SVOPL: variants seen among roughly 807,000 people sequenced by gnomAD.
SVOPL encodes putative transporter SVOPL.
In SVOPL, 60 loss-of-function variants were observed where a neutral mutation model predicts 61.0. The observed-to-expected ratio is 0.98, with a 90% confidence interval of 0.80 to 1.22. The LOEUF is 1.22. SVOPL is among the 50% of genes most tolerant of loss of function. The pLI is 0.00. For missense variants in SVOPL, 662 were observed against 643.9 expected (o/e 1.03, Z -0.30); for synonymous variants, 279 against 250.0 (o/e 1.12, Z -1.09).
At chr7:138,684,210 C>T (rs574841862) in intron 1 of SVOPL, among the ~76,000 whole-genome samples, 8 of 151,744 alleles carry the variant, frequency 5.3e-5, no homozygotes, top group Middle Eastern at 6.8e-3. Context: ...ACTAAAAATA[C>T]AAAAACTAGC....
intron 6 of SVOPL, 51 bp from the exon 7 acceptor site, chr7:138,656,562 T>A (rs545760284): frequency 6.3e-7 from 1 of 1,585,842 alleles, no homozygotes; most frequent in African/African-American, 1.3e-5. Flanking sequence ...AACTAAATCA[T>A]CTTTTAAAAA....
rs552770102 is a variant in SVOPL at position 138,602,724 on chromosome 7, A to C, written c.1354-6194T>G. On this transcript the variant is annotated intron_variant, in intron 14 of 15. Transcript: ENST00000674285. ...CCCTTGCATAGGCACCCTCAACCCCATTTCCACCCCTAACCACAGTCCCCT... is the reference window on the plus strand; with the variant it reads ...CCCTTGCATAGGCACCCTCAACCCCCTTTCCACCCCTAACCACAGTCCCCT... 2.9e-4 allele frequency among the ~76,000 whole-genome samples: 44 copies of C among 151,360 alleles called. No homozygotes were observed. The East Asian group carries it at 7.5e-3, about 26-fold the overall frequency.
intron 1 of SVOPL, among the ~76,000 whole-genome samples, chr7:138,692,538 C>T (rs1462917738): frequency 8.5e-5 from 13 of 152,106 alleles, no homozygotes; most frequent in Admixed American, 5.2e-4. Context: ...TTGTTGACTT[C>T]ATAGTCATTA....
intron 4 of SVOPL, among the ~76,000 whole-genome samples, chr7:138,668,606 C>T (rs74508543): frequency 0.04 from 6,049 of 152,256 alleles, 275 homozygotes; most frequent in East Asian, 0.23. Context: ...AGAAACACAA[C>T]TGGGCAATAC....
At chr7:138,671,416 T>C (rs1276923123) in intron 4 of SVOPL, among the ~76,000 whole-genome samples, 1 of 152,188 alleles carries the variant, frequency 6.6e-6, no homozygotes, top group Non-Finnish European at 1.5e-5. Context: ...GGCGTGGTCT[T>C]GGCTCACTGC....
chr7:138,654,851 A>G (rs536153326), intron 7 of SVOPL, among the ~76,000 whole-genome samples: 4 of 148,942 alleles, frequency 2.7e-5, no homozygotes, highest in African/African-American at 1.0e-4. Context: ...CCACATTTTC[A>G]CTTCCTGTTT....
At chr7:138,642,114 A>C (rs1172306300) in intron 9 of SVOPL, among the ~76,000 whole-genome samples, 2 of 151,584 alleles carry the variant, frequency 1.3e-5, no homozygotes, top group Non-Finnish European at 2.9e-5. Flanking sequence ...CTAACAGATA[A>C]TTCAGTGGTT....
At chr7:138,634,520 C>T (rs532210957) in intron 9 of SVOPL, among the ~76,000 whole-genome samples, 49 of 151,326 alleles carry the variant, frequency 3.2e-4, no homozygotes, top group African/African-American at 8.5e-4. Context: ...TGGTGGTGTG[C>T]ACCTATAGTC....
At chr7:138,619,561 TAA>T (rs11440977) in intron 14 of SVOPL, among the ~76,000 whole-genome samples, 57 of 60,322 alleles carry the variant, frequency 9.4e-4, no homozygotes, top group African/African-American at 2.9e-3. Context: ...TCTCAGATGT[TAA>T]AAAAAAAAAA....
intron 14 of SVOPL, among the ~76,000 whole-genome samples, chr7:138,611,919 G>C: frequency 5.8e-5 from 1 of 17,292 alleles, no homozygotes; most frequent in Admixed American, 9.7e-4. Context: ...TTGAGAACGG[G>C]CCAGGATGAC....
chr7:138,666,975 AT>A (rs558486271), intron 4 of SVOPL, among the ~76,000 whole-genome samples: 205 of 152,280 alleles, frequency 1.3e-3, no homozygotes, highest in African/African-American at 4.6e-3. Flanking sequence ...GCAAATCACT[AT>A]TGCCAATAAA....
chr7:138,700,044 A>G (rs1276271043), intron 1 of SVOPL, among the ~76,000 whole-genome samples: 1 of 152,184 alleles, frequency 6.6e-6, no homozygotes, highest in Non-Finnish European at 1.5e-5. Flanking sequence ...TGTTGGCAGG[A>G]GATTATCAGG....
At position 138,630,961 on chromosome 7, in the gene SVOPL, A is replaced by AG. The variant is rs1215240817; in HGVS notation, c.790-840_790-839insC. On this transcript the variant is annotated intron_variant, in intron 9 of 15. Coordinates refer to ENST00000674285, the MANE Select transcript of SVOPL (RefSeq NM_001139456.2). ...TCCATCTCAAAAAAAGAAAAAAAAA[A>AG]AAAAAAAAGCAAGGAAGAGTTACAT... Among the ~76,000 whole-genome samples, 244 of 151,552 alleles carry AG rather than the reference A, an allele frequency of 1.6e-3. 2 individuals carry two copies. Among genetic ancestry groups the AG allele is most frequent in the African/African-American group, 5.7e-3 (234 of 41,378 alleles).
At position 138,594,394 on chromosome 7, in the gene SVOPL, A is replaced by G. The variant is rs1163168344; in HGVS notation, c.*216T>C. 2.9e-6 allele frequency: 1 copy of G among 347,722 alleles called. No homozygotes were observed. Among genetic ancestry groups the G allele is most frequent in the Non-Finnish European group, 5.2e-6 (1 of 193,996 alleles). The allele number at this position is 347,722 out of a possible 1,614,324, so 21.5% of individuals were successfully genotyped here. Reference sequence around the variant, plus strand: ...CCCTCTCACACCCCTTTGAAAGCTTAAATTATATTTTATAAAAGTACTTTA... The same window carrying G: ...CCCTCTCACACCCCTTTGAAAGCTTGAATTATATTTTATAAAAGTACTTTA... On this transcript the variant is annotated 3_prime_UTR_variant, in exon 16 of 16. Transcript: ENST00000674285.
chr7:138,666,403 A>G (rs1356232769), intron 4 of SVOPL, among the ~76,000 whole-genome samples: 3 of 152,254 alleles, frequency 2.0e-5, no homozygotes, highest in Non-Finnish European at 2.9e-5. Flanking sequence ...TTTTATTTCT[A>G]AAAGTTTTTC....
At chr7:138,651,132 TGGAA>T (rs889594467) in intron 7 of SVOPL, among the ~76,000 whole-genome samples, 4 of 151,942 alleles carry the variant, frequency 2.6e-5, no homozygotes, top group Admixed American at 1.3e-4. Context: ...CCAGGATCGT[TGGAA>T]GGGAGGTAGG....
intron 3 of SVOPL, among the ~76,000 whole-genome samples, chr7:138,673,168 A>G (rs1367458085): frequency 9.7e-6 from 1 of 103,354 alleles, no homozygotes; most frequent in Admixed American, 8.5e-5. Flanking sequence ...GGTTATTATA[A>G]TAATGTTTAT....
At position 138,661,810 on chromosome 7, in the gene SVOPL, A is replaced by C. The variant is rs902217848; in HGVS notation, c.345+1264T>G. The C allele has an allele frequency of 3.1e-6, 3 of 967,830 alleles. No homozygotes were observed. In the Admixed American group the frequency reaches 1.8e-4, roughly 60 times the overall value. The allele number at this position is 967,830 out of a possible 1,614,324, so 60.0% of individuals were successfully genotyped here. ...ATATTCAGGGCAACTGGACTGTATG[A>C]CTTCCGAGCTGCAATCCTCAATCTT... On this transcript the variant is annotated intron_variant, in intron 5 of 15. Coordinates refer to ENST00000674285, the MANE Select transcript of SVOPL (RefSeq NM_001139456.2).
intron 1 of SVOPL, chr7:138,689,168 C>A: frequency 9.8e-7 from 1 of 1,017,148 alleles, no homozygotes. Context: ...TCCGATGTTA[C>A]AATGGTGGAG....
Sources: gnomAD v4.1 joint callset for allele counts (sites outside exome capture counted in the v4.1 genomes callset) on GRCh38, gnomAD v4.1.1 for gene constraint, MANE v1.5 for transcripts, NCBI Gene and HGNC (gene_info 2026-07-23, HGNC 2026-07-21) for gene names.